PDZD9: variants seen among roughly 807,000 people sequenced by gnomAD.
The protein encoded by PDZD9 is PDZ domain containing 9, also known as PDZ domain-containing protein 9.
Under a neutral mutation model 16.3 loss-of-function variants are expected in PDZD9, and 13 were observed. The observed-to-expected ratio is 0.80, with a 90% CI of 0.52 to 1.27. The LOEUF (loss-of-function observed/expected upper bound fraction) is 1.27. PDZD9 is among the 50% of genes most tolerant of loss of function. The pLI, the probability that PDZD9 is intolerant of heterozygous loss-of-function variation, is 0.00. For missense variants in PDZD9, 288 were observed against 310.9 expected (o/e 0.93, Z 0.55); for synonymous variants, 120 against 111.0 (o/e 1.08, Z -0.51).
chr16:21,974,738 A>G, the PDZD9 span, among the ~76,000 whole-genome samples: 6 of 152,240 alleles, frequency 3.9e-5, 1 homozygote, highest in African/African-American at 1.4e-4. Flanking sequence ...CTGAGCAAAA[A>G]GATCGGAGCA....
At chr16:21,987,520 G>T (rs952503310) in intron 3 of PDZD9, among the ~76,000 whole-genome samples, 1 of 152,190 alleles carries the variant, frequency 6.6e-6, no homozygotes, top group Non-Finnish European at 1.5e-5. Context: ...CTGGCTAGGA[G>T]AAAGGACACC....
At chr16:21,968,755 G>T in the PDZD9 span, 1 of 1,424,022 alleles carries the variant, frequency 7.0e-7, no homozygotes, top group South Asian at 1.4e-5. Context: ...GTAATTACGT[G>T]AACATAGGAT....
chr16:21,993,275 A>G (rs1045546903), intron 2 of PDZD9, among the ~76,000 whole-genome samples: 6 of 152,052 alleles, frequency 3.9e-5, no homozygotes, highest in African/African-American at 1.4e-4. Context: ...TGCCCACCTA[A>G]AAGCATACTC....
chr16:21,992,952 A>T (rs1004680298), intron 2 of PDZD9, among the ~76,000 whole-genome samples: 1 of 151,830 alleles, frequency 6.6e-6, no homozygotes, highest in Non-Finnish European at 1.5e-5. Flanking sequence ...TTCTCATGAG[A>T]TCTGATGGTT....
the PDZD9 span, among the ~76,000 whole-genome samples, chr16:21,969,879 T>G: frequency 6.6e-6 from 1 of 151,980 alleles, no homozygotes; most frequent in African/African-American, 2.4e-5. Context: ...TTTTTGTTTT[T>G]TTTTTTAAAG....
rs959992083 is a variant in PDZD9 at position 21,983,959 on chromosome 16, A to G, written c.*308T>C. 2.9e-5 allele frequency: 6 copies of G among 209,114 alleles called. No individual in the cohort carries two copies. Among genetic ancestry groups the G allele is most frequent in the Non-Finnish European group, 5.7e-5 (6 of 106,148 alleles). The allele number at this position is 209,114 out of a possible 1,614,324, so 13.0% of individuals were successfully genotyped here. ...AAAGAAAAATGTAGTGTTTACATAAAGTGACATTCTCTACTATGTTCAGAC... is the reference window on the plus strand; with the variant it reads ...AAAGAAAAATGTAGTGTTTACATAAGGTGACATTCTCTACTATGTTCAGAC... On this transcript the variant is annotated 3_prime_UTR_variant, in exon 4 of 4. Transcript: ENST00000424898.
At chr16:21,986,538 G>A (rs985226062) in intron 3 of PDZD9, among the ~76,000 whole-genome samples, 4 of 152,134 alleles carry the variant, frequency 2.6e-5, no homozygotes, top group South Asian at 4.1e-4. Flanking sequence ...AGTTGTGATC[G>A]TGCTACTACA....
chr16:21,962,384 T>C, the PDZD9 span: 1 of 1,535,806 alleles, frequency 6.5e-7, no homozygotes, highest in South Asian at 1.1e-5. Flanking sequence ...CCAAAGGAAT[T>C]GGTTGATAGA....
chr16:21,988,472 ACT>A, intron 3 of PDZD9, 128 bp downstream of exon 3: 1 of 744,786 alleles, frequency 1.3e-6, no homozygotes, highest in Non-Finnish European at 2.1e-6. Context: ...CCAGGAAATT[ACT>A]CTGACAGTGT....
intron 1 of PDZD9, among the ~76,000 whole-genome samples, chr16:22,000,227 T>C (rs1483015988): frequency 6.6e-6 from 1 of 151,904 alleles, no homozygotes; most frequent in African/African-American, 2.4e-5. Flanking sequence ...CAGTGACCCA[T>C]ATGCTATTTT....
the PDZD9 span, among the ~76,000 whole-genome samples, chr16:21,972,668 A>G: frequency 6.6e-6 from 1 of 152,186 alleles, no homozygotes; most frequent in Non-Finnish European, 1.5e-5. Flanking sequence ...GGAGGTCAGG[A>G]GTTCGAGACC....
At chr16:21,971,701 T>C in the PDZD9 span, 1 of 1,443,590 alleles carries the variant, frequency 6.9e-7, no homozygotes, top group Non-Finnish European at 9.7e-7. Context: ...GGAATAGGCC[T>C]GAATATTTAC....
At chr16:21,989,100 G>GTT (rs916261872) in intron 2 of PDZD9, among the ~76,000 whole-genome samples, 1 of 139,844 alleles carries the variant, frequency 7.2e-6, no homozygotes. Flanking sequence ...GGCTAATTTT[G>GTT]TTTTTTTTTT....
chr16:21,966,054 G>A, the PDZD9 span, among the ~76,000 whole-genome samples: 5 of 150,864 alleles, frequency 3.3e-5, no homozygotes, highest in Non-Finnish European at 4.4e-5. Context: ...TGGCTCATGC[G>A]TGTAATCTCA....
At chr16:21,971,783 G>C in the PDZD9 span, 1 of 1,343,274 alleles carries the variant, frequency 7.4e-7, no homozygotes, top group Non-Finnish European at 1.0e-6. Context: ...GTGTGTGTTT[G>C]GGGACAGGAT....
chr16:21,966,027 A>T, the PDZD9 span, among the ~76,000 whole-genome samples: 1 of 151,748 alleles, frequency 6.6e-6, no homozygotes, highest in Non-Finnish European at 1.5e-5. Context: ...AAGTATCATA[A>T]TAGGGGCTGG....
intron 2 of PDZD9, among the ~76,000 whole-genome samples, chr16:21,994,978 G>T (rs546437308): frequency 6.6e-6 from 1 of 151,864 alleles, no homozygotes; most frequent in Non-Finnish European, 1.5e-5. Context: ...TTACGGGCAC[G>T]CACCATGCCG....
chr16:21,962,400 A>G, the PDZD9 span: 1 of 1,594,334 alleles, frequency 6.3e-7, no homozygotes. Flanking sequence ...ATAGAAGATT[A>G]TAAGGGAAAG....
chr16:21,986,160 T>TG (rs1381594973), intron 3 of PDZD9, among the ~76,000 whole-genome samples: 1 of 152,174 alleles, frequency 6.6e-6, no homozygotes, highest in Non-Finnish European at 1.5e-5. Context: ...GTATACCCAG[T>TG]GCCATTTTCT....
Sources: allele counts gnomAD v4.1 joint callset (sites outside exome capture counted in the v4.1 genomes callset), GRCh38; gene constraint gnomAD v4.1.1; transcripts MANE v1.5; gene names NCBI Gene and HGNC (gene_info 2026-07-23, HGNC 2026-07-21).